ERBB4: variants seen among roughly 807,000 people sequenced by gnomAD.
The protein encoded by ERBB4 is erb-b2 receptor tyrosine kinase 4, also known as receptor tyrosine-protein kinase erbB-4.
ERBB4 carries 42 observed loss-of-function variants against 158.0 expected under a neutral mutation model. The observed-to-expected ratio is 0.27, with a 90% CI of 0.21 to 0.34. ERBB4 has a LOEUF of 0.34. Ranked by LOEUF, ERBB4 falls within the 10% of genes least tolerant of loss-of-function variation. The pLI is 1.00. For missense variants in ERBB4, 1,333 were observed against 1,624.1 expected (o/e 0.82, Z 3.08); for synonymous variants, 583 against 558.7 (o/e 1.04, Z -0.61).
chr2:211,685,544 A>T (rs548115103), intron 12 of ERBB4, among the ~76,000 whole-genome samples: 1 of 152,344 alleles, frequency 6.6e-6, no homozygotes, highest in South Asian at 2.1e-4. Context: ...TCTTGAAAAT[A>T]TGTGGACTGA....
At chr2:212,120,758 C>T (rs77840044) in intron 2 of ERBB4, among the ~76,000 whole-genome samples, 40 of 152,242 alleles carry the variant, frequency 2.6e-4, no homozygotes, top group East Asian at 1.5e-3. Flanking sequence ...CCTCTAAATA[C>T]ATCATTTGGG....
intron 1 of ERBB4, among the ~76,000 whole-genome samples, chr2:212,423,794 C>T (rs1249017399): frequency 6.6e-6 from 1 of 152,110 alleles, no homozygotes; most frequent in South Asian, 2.1e-4. Flanking sequence ...GCAAACAGAA[C>T]CCTTCATTAA....
intron 2 of ERBB4, among the ~76,000 whole-genome samples, chr2:212,062,396 ATTCTTTTTTTTTT>A (rs2077802523): frequency 4.1e-5 from 4 of 96,522 alleles, no homozygotes; most frequent in Non-Finnish European, 6.1e-5. Flanking sequence ...TCACTTGTCA[ATTCTTTTTTTTTT>A]TTTTTTTTTT....
intron 5 of ERBB4, among the ~76,000 whole-genome samples, chr2:211,745,733 AAC>A (rs373508229): frequency 0.016 from 1,355 of 82,628 alleles, 64 homozygotes; most frequent in Middle Eastern, 0.11. Context: ...ACAAAAACAA[AAC>A]AAAAAAAACC....
At chr2:212,498,136 A>G (rs917738205) in intron 1 of ERBB4, among the ~76,000 whole-genome samples, 7 of 150,882 alleles carry the variant, frequency 4.6e-5, no homozygotes, top group Admixed American at 2.0e-4. Context: ...GTGTGTGTGT[A>G]TGTGTGCACA....
chr2:211,983,318 G>A (rs2081854933), intron 2 of ERBB4, among the ~76,000 whole-genome samples: 1 of 152,190 alleles, frequency 6.6e-6, no homozygotes, highest in African/African-American at 2.4e-5. Context: ...AGATAAAGGA[G>A]AGGGAAGAAT....
intron 2 of ERBB4, 84 bp downstream of exon 2, chr2:212,124,668 C>T: frequency 6.8e-7 from 1 of 1,476,846 alleles, no homozygotes; most frequent in East Asian, 2.3e-5. Context: ...GCACCCCTTC[C>T]AGGTATCAGC....
At chr2:212,458,273 T>A (rs1259242788) in intron 1 of ERBB4, among the ~76,000 whole-genome samples, 1 of 150,584 alleles carries the variant, frequency 6.6e-6, no homozygotes, top group Non-Finnish European at 1.5e-5. Context: ...GAAAATTCCA[T>A]TTTTTTTTAG....
rs2090069658 is a variant in ERBB4 at position 212,371,101 on chromosome 2, A to G, written c.82+167348T>C. On this transcript the variant is annotated intron_variant, in intron 1 of 27. Coordinates refer to ENST00000342788, the MANE Select transcript of ERBB4 (RefSeq NM_005235.3). ...CAGTGAAAGCCTGTTTCTTGTGTGT[A>G]CCATCCTCCAGATTTTTACTGCCCA... Among the ~76,000 whole-genome samples the G allele has an allele frequency of 2.0e-5, 3 of 152,272 alleles. No homozygotes were observed. In the South Asian group the frequency reaches 6.2e-4, roughly 32 times the overall value.
chr2:211,701,973 T>C lies in ERBB4; in HGVS notation c.1483A>G (p.Asn495Asp). Residue 495 changes from asparagine (N) to aspartate (D), a missense_variant, in exon 12 of 28, where the codon AAT becomes GAT. Coordinates refer to ENST00000342788, the MANE Select transcript of ERBB4 (RefSeq NM_005235.3). ...IVIRDNRKAE[N>D]CTAEGMVCNH... ...GTCTGAGTAATGTACTTACTACAAT[T>C]TTCAGCTTTTCTGTTGTCCCGGATT... 1 of 1,612,034 alleles carries C rather than the reference T, an allele frequency of 6.2e-7. No homozygotes were observed. Among genetic ancestry groups the C allele is most frequent in the Non-Finnish European group, 8.5e-7 (1 of 1,178,118 alleles).
intron 3 of ERBB4, among the ~76,000 whole-genome samples, chr2:211,817,531 A>T (rs182573211): frequency 0.02 from 2,996 of 152,276 alleles, 41 homozygotes; most frequent in Middle Eastern, 0.037. Flanking sequence ...GGTATCATAA[A>T]TTTACTTTTC....
At chr2:211,720,764 G>T (rs1045275107) in intron 7 of ERBB4, among the ~76,000 whole-genome samples, 4 of 152,070 alleles carry the variant, frequency 2.6e-5, no homozygotes, top group Admixed American at 6.6e-5. Flanking sequence ...TGTTTCTTCA[G>T]GTCACACAAA....
rs139575504 is a variant in ERBB4 at position 212,265,246 on chromosome 2, G to A, written c.83-140343C>T. ...TCTATAGGTCTCAATGCCATGGTACGTGTATACACATGACACCCTAGGAGA... is the reference window on the plus strand; with the variant it reads ...TCTATAGGTCTCAATGCCATGGTACATGTATACACATGACACCCTAGGAGA... On this transcript the variant is annotated intron_variant, in intron 1 of 27. Transcript: ENST00000342788. Among the ~76,000 whole-genome samples, 44 of 152,154 alleles carry A rather than the reference G, an allele frequency of 2.9e-4. 1 individual carries two copies. In the South Asian group the frequency reaches 3.3e-3, roughly 11 times the overall value.
intron 1 of ERBB4, among the ~76,000 whole-genome samples, chr2:212,207,004 A>G (rs2082783280): frequency 6.6e-6 from 1 of 152,064 alleles, no homozygotes; most frequent in African/African-American, 2.4e-5. Context: ...TTTCAAAAAA[A>G]AAAAAAAACT....
chr2:211,707,086 T>A (rs2073475181), intron 9 of ERBB4, among the ~76,000 whole-genome samples: 2 of 152,142 alleles, frequency 1.3e-5, no homozygotes, highest in African/African-American at 4.8e-5. Flanking sequence ...TAATCAAATA[T>A]CTTGGCTTTA....
intron 9 of ERBB4, among the ~76,000 whole-genome samples, chr2:211,708,343 T>A (rs912548687): frequency 6.6e-5 from 10 of 152,160 alleles, no homozygotes; most frequent in Non-Finnish European, 1.5e-4. Context: ...TTATAATTAT[T>A]ATTTTAAATA....
intron 19 of ERBB4, among the ~76,000 whole-genome samples, chr2:211,563,491 G>A (rs988928755): frequency 6.6e-6 from 1 of 152,174 alleles, no homozygotes; most frequent in Non-Finnish European, 1.5e-5. Context: ...TAAAAGAAGT[G>A]TATGATGTTC....
rs114060831 is a variant in ERBB4 at position 211,868,700 on chromosome 2, C to A, written c.421+78730G>T. ...TTTTGCATTTCCCAAGATTCTGATA[C>A]TCTATACCCTGCTGCTCTATGTTGC... On this transcript the variant is annotated intron_variant, in intron 3 of 27. Coordinates refer to ENST00000342788, the MANE Select transcript of ERBB4 (RefSeq NM_005235.3). Among the ~76,000 whole-genome samples, 665 of 152,264 alleles carry A rather than the reference C, an allele frequency of 4.4e-3. 4 individuals are homozygous for A. The highest frequency in any genetic ancestry group is 0.015 in the African/African-American group (623 of 41,556).
intron 4 of ERBB4, among the ~76,000 whole-genome samples, chr2:211,766,384 T>G (rs1352128655): frequency 2.0e-5 from 3 of 151,974 alleles, no homozygotes; most frequent in African/African-American, 7.3e-5. Flanking sequence ...CCCTTCCTCC[T>G]CTCTAAACTT....
Sources: gnomAD v4.1 joint callset for allele counts (sites outside exome capture counted in the v4.1 genomes callset) on GRCh38, gnomAD v4.1.1 for gene constraint, MANE v1.5 for transcripts, NCBI Gene and HGNC (gene_info 2026-07-23, HGNC 2026-07-21) for gene names.